The following SUGCT variants were observed in gnomAD, a reference collection of about 807,000 sequenced individuals.
The protein encoded by SUGCT is succinyl-CoA:glutarate-CoA transferase, also known as succinyl-CoA:glutarate CoA-transferase.
In SUGCT, 41 loss-of-function variants were observed where a neutral mutation model predicts 55.0. That is an observed-to-expected ratio of 0.74 (90% CI 0.58 to 0.97). The LOEUF (loss-of-function observed/expected upper bound fraction) is 0.97, where lower values mean the gene tolerates loss of function less well. Among genes scored for constraint, SUGCT ranks in the 50% least tolerant of loss-of-function variants. The pLI is 0.00. For synonymous variants in SUGCT, 187 were observed against 200.4 expected (o/e 0.93, Z 0.56); for missense variants, 568 against 547.8 (o/e 1.04, Z -0.37).
rs775204501 is a variant in SUGCT, at chr7:40,575,128, G to GGT, written c.1089+78743_1089+78744insTG. On this transcript the variant is annotated intron_variant, in intron 12 of 13. Transcript: ENST00000335693. Reference sequence around the variant, plus strand: ...GTGGGCAGGAGGGTGGCGGGGGTGGGGGTGGAGATGGGTGAAGTTTTGGAG... The same window carrying GGT: ...GTGGGCAGGAGGGTGGCGGGGGTGGGGTGGTGGAGATGGGTGAAGTTTTGGAG... 2.5e-3 allele frequency among the ~76,000 whole-genome samples: 365 copies of GGT among 147,820 alleles called. 4 individuals are homozygous for GGT. In the East Asian group the frequency reaches 0.025, roughly 10 times the overall value.
intron 6 of SUGCT, among the ~76,000 whole-genome samples, chr7:40,196,226 A>G (rs1786282879): frequency 6.6e-6 from 1 of 152,178 alleles, no homozygotes; most frequent in Admixed American, 6.5e-5. Context: ...TTTCTATATA[A>G]GTACTTAACT....
At chr7:40,926,171 A>C in the SUGCT span, among the ~76,000 whole-genome samples, 1 of 152,082 alleles carries the variant, frequency 6.6e-6, no homozygotes, top group Non-Finnish European at 1.5e-5. Flanking sequence ...AGTAAATACT[A>C]CCTAATACAG....
chr7:40,848,752 G>A (rs549025879), intron 13 of SUGCT, among the ~76,000 whole-genome samples: 4 of 152,158 alleles, frequency 2.6e-5, no homozygotes, highest in Admixed American at 2.6e-4. Flanking sequence ...GCCTGGTCCC[G>A]TAAGCAGTGC....
At chr7:40,896,144 A>C in the SUGCT span, among the ~76,000 whole-genome samples, 1 of 152,226 alleles carries the variant, frequency 6.6e-6, no homozygotes, top group Non-Finnish European at 1.5e-5. Flanking sequence ...AAATTTAGTA[A>C]AGTTTCAGGG....
intron 12 of SUGCT, among the ~76,000 whole-genome samples, chr7:40,608,496 C>T (rs1289981175): frequency 6.6e-6 from 1 of 152,130 alleles, no homozygotes; most frequent in Admixed American, 6.5e-5. Flanking sequence ...ATTTCATGAA[C>T]AAACCACTGT....
chr7:40,367,716 C>G (rs1345786182), intron 9 of SUGCT, among the ~76,000 whole-genome samples: 1 of 152,152 alleles, frequency 6.6e-6, no homozygotes, highest in African/African-American at 2.4e-5. Flanking sequence ...CTTATTTCCT[C>G]TTCTTTCCAC....
At chr7:41,012,219 A>G in the SUGCT span, among the ~76,000 whole-genome samples, 1 of 152,076 alleles carries the variant, frequency 6.6e-6, no homozygotes, top group South Asian at 2.1e-4. Context: ...GTCTTTGCTT[A>G]TACCCCTCAA....
chr7:40,433,290 T>C (rs1032370298), intron 9 of SUGCT, among the ~76,000 whole-genome samples: 4 of 152,072 alleles, frequency 2.6e-5, no homozygotes, highest in African/African-American at 7.2e-5. Flanking sequence ...TTTAGGTTTG[T>C]TTGTTATTTA....
intron 6 of SUGCT, among the ~76,000 whole-genome samples, chr7:40,230,688 G>A (rs551313853): frequency 6.6e-6 from 1 of 152,320 alleles, no homozygotes; most frequent in South Asian, 2.1e-4. Flanking sequence ...AGCAGTCTGG[G>A]TTGGTGGCAT....
intron 12 of SUGCT, among the ~76,000 whole-genome samples, chr7:40,515,029 A>G (rs1057270869): frequency 6.6e-6 from 1 of 152,240 alleles, no homozygotes; most frequent in African/African-American, 2.4e-5. Flanking sequence ...TAATTATAGT[A>G]TAACAGCAAA....
downstream of SUGCT, among the ~76,000 whole-genome samples, chr7:40,865,416 A>G (rs767850534): frequency 3.3e-5 from 5 of 152,148 alleles, no homozygotes; most frequent in Non-Finnish European, 5.9e-5. Context: ...TTGTCCCTTG[A>G]AACACAGGGA....
chr7:40,795,971 G>C (rs1790534635), intron 13 of SUGCT, among the ~76,000 whole-genome samples: 1 of 151,988 alleles, frequency 6.6e-6, no homozygotes, highest in Non-Finnish European at 1.5e-5. Flanking sequence ...AAATGAAAAG[G>C]GTTCTGTGGA....
chr7:40,494,593 T>C (rs1316547256), intron 11 of SUGCT, among the ~76,000 whole-genome samples: 1 of 152,170 alleles, frequency 6.6e-6, no homozygotes, highest in Non-Finnish European at 1.5e-5. Context: ...AAAATCCTTA[T>C]CCATCAAATT....
At chr7:40,198,598 T>C (rs1786415876) in intron 6 of SUGCT, among the ~76,000 whole-genome samples, 2 of 152,162 alleles carry the variant, frequency 1.3e-5, no homozygotes, top group African/African-American at 4.8e-5. Context: ...TGGTGGCTCA[T>C]GCCTGTAATC....
At chr7:40,167,652 G>C (rs1784482415) in intron 1 of SUGCT, among the ~76,000 whole-genome samples, 1 of 152,150 alleles carries the variant, frequency 6.6e-6, no homozygotes, top group East Asian at 1.9e-4. Flanking sequence ...GTGGAACCCA[G>C]TGACTAATGT....
At chr7:40,899,217 T>G in the SUGCT span, among the ~76,000 whole-genome samples, 1 of 152,202 alleles carries the variant, frequency 6.6e-6, no homozygotes, top group Admixed American at 6.5e-5. Context: ...CTGGCATCTC[T>G]GGCCGCCCGC....
At chr7:40,486,715 TCTTC>T (rs745750564) in intron 11 of SUGCT, among the ~76,000 whole-genome samples, 7 of 147,472 alleles carry the variant, frequency 4.7e-5, no homozygotes, top group South Asian at 2.1e-4. Context: ...CTTTCATTTT[TCTTC>T]CTTCCTTTTT....
intron 1 of SUGCT, among the ~76,000 whole-genome samples, chr7:40,173,651 T>C (rs1784785459): frequency 6.6e-6 from 1 of 152,054 alleles, no homozygotes; most frequent in Admixed American, 6.6e-5. Flanking sequence ...ACCTGATTGG[T>C]TGGATGTGAG....
intron 1 of SUGCT, among the ~76,000 whole-genome samples, chr7:40,138,124 C>CT (rs1554344563): frequency 6.6e-6 from 1 of 152,190 alleles, no homozygotes; most frequent in Non-Finnish European, 1.5e-5. Context: ...AAGCAACCTC[C>CT]TGTAGTCCAT....
Sources: allele counts gnomAD v4.1 joint callset (sites outside exome capture counted in the v4.1 genomes callset), GRCh38; gene constraint gnomAD v4.1.1; transcripts MANE v1.5; gene names NCBI Gene and HGNC (gene_info 2026-07-23, HGNC 2026-07-21).